Variants in EMC2 observed in about 807,000 individuals in gnomAD.
EMC2 encodes ER membrane protein complex subunit 2.
In EMC2, 37 loss-of-function variants were observed where a neutral mutation model predicts 51.6. That is an observed-to-expected ratio of 0.72 (90% confidence interval 0.55 to 0.94). EMC2 has a LOEUF of 0.94. EMC2 is among the 40% of genes least tolerant of loss of function. EMC2 has a pLI of 0.00. For missense variants in EMC2, 359 were observed against 350.9 expected (o/e 1.02, Z -0.18); for synonymous variants, 131 against 112.4 (o/e 1.17, Z -1.04).
chr8:108,475,942 A>G lies in EMC2; in HGVS notation c.570A>G (p.Leu190=), dbSNP rs1810938643. Residue 190 remains leucine, a synonymous_variant, in exon 8 of 11, where the codon TTA becomes TTG. Transcript: ENST00000220853. ...ELMMTNPHNH[L]YCQQYAEVKY... is the part of the protein sequence containing the mutation. ...TGATGACTAATCCACACAACCACTT[A>G]TACTGTCAGCAGTATGCTGAAGTAA... 1.3e-6 allele frequency: 2 copies of G among 1,595,414 alleles called. No homozygotes were observed. The highest frequency in any genetic ancestry group is 1.4e-5 in the African/African-American group (1 of 73,944).
chr8:108,467,016 G>A (rs1320813028), intron 5 of EMC2, among the ~76,000 whole-genome samples: 1 of 152,134 alleles, frequency 6.6e-6, no homozygotes, highest in Non-Finnish European at 1.5e-5. Context: ...GGAGTCCCAG[G>A]ATTTGCAATG....
intron 9 of EMC2, among the ~76,000 whole-genome samples, chr8:108,477,213 G>T (rs1004279487): frequency 1.6e-4 from 25 of 151,946 alleles, no homozygotes; most frequent in Non-Finnish European, 3.4e-4. Flanking sequence ...CAACATTATT[G>T]TATTTCTTCC....
At position 108,488,882 on chromosome 8, in the gene EMC2, G is replaced by A. The variant is rs1811190893; in HGVS notation, c.*2284G>A. 6.6e-6 allele frequency among the ~76,000 whole-genome samples: 1 copy of A among 152,172 alleles called. No individual in the cohort carries two copies. Among genetic ancestry groups the A allele is most frequent in the South Asian group, 2.1e-4 (1 of 4,834 alleles). On this transcript the variant is annotated 3_prime_UTR_variant, in exon 11 of 11. Coordinates refer to ENST00000220853, the MANE Select transcript of EMC2 (RefSeq NM_014673.5). ...ATGTGACTACTGCAATTGAGAAATT[G>A]AATGAAATGAACAGAACCCTACTGA...
intron 1 of EMC2, chr8:108,446,304 A>G (rs905946589): frequency 4.6e-6 from 2 of 430,914 alleles, no homozygotes; most frequent in Admixed American, 2.5e-5. Context: ...CAAAGAAGGT[A>G]GGAATCATTG....
chr8:108,450,617 A>G, intron 3 of EMC2, 125 bp downstream of exon 3: 1 of 695,440 alleles, frequency 1.4e-6, no homozygotes, highest in Non-Finnish European at 2.6e-6. Context: ...CTGAACAGTA[A>G]GTGGAACTAA....
chr8:108,463,952 T>G (rs1819399887), intron 5 of EMC2: 1 of 152,536 alleles, frequency 6.6e-6, no homozygotes, highest in African/African-American at 2.4e-5. Context: ...TAACCCCTCA[T>G]TCACCTGGAA....
chr8:108,458,008 T>A (rs923270036), intron 5 of EMC2, among the ~76,000 whole-genome samples: 1 of 152,120 alleles, frequency 6.6e-6, no homozygotes, highest in African/African-American at 2.4e-5. Context: ...ATACAGCCAT[T>A]CCAAATGGGG....
intron 2 of EMC2, 91 bp downstream of exon 2, chr8:108,450,027 A>G (rs558671606): frequency 1.9e-6 from 1 of 517,202 alleles, no homozygotes; most frequent in Non-Finnish European, 3.4e-6. Context: ...TGATTTTTCT[A>G]CTTGTCATAT....
chr8:108,475,794 T>C (rs1810935887), intron 7 of EMC2, 88 bp from the exon 8 acceptor site: 1 of 691,252 alleles, frequency 1.4e-6, no homozygotes, highest in Admixed American at 2.8e-5. Context: ...TTAACATGAC[T>C]AAAGTTGTTT....
chr8:108,443,630 T>A lies in EMC2; in HGVS notation c.-29T>A. On this transcript the variant is annotated 5_prime_UTR_variant, in exon 1 of 11. Transcript: ENST00000220853. ...CACGTGACTGCGTCTCCCCGCCCTCTCACCCCGCTGCCTCTAGGTTCTGGG... is the reference window on the plus strand; with the variant it reads ...CACGTGACTGCGTCTCCCCGCCCTCACACCCCGCTGCCTCTAGGTTCTGGG... 1 of 1,599,890 alleles carries A rather than the reference T, an allele frequency of 6.3e-7. No individual in the cohort carries two copies. Among genetic ancestry groups the A allele is most frequent in the Non-Finnish European group, 8.5e-7 (1 of 1,172,946 alleles).
intron 5 of EMC2, among the ~76,000 whole-genome samples, chr8:108,464,984 G>C (rs749404264): frequency 2.0e-5 from 3 of 152,168 alleles, no homozygotes; most frequent in Non-Finnish European, 4.4e-5. Flanking sequence ...CCTGAGTCTG[G>C]AGTGAGGCAG....
At chr8:108,483,714 T>C (rs1383206617) in intron 10 of EMC2, among the ~76,000 whole-genome samples, 2 of 152,130 alleles carry the variant, frequency 1.3e-5, no homozygotes, top group Non-Finnish European at 2.9e-5. Context: ...TTTTTGTGTT[T>C]TTTTCTGGTG....
At position 108,443,752 on chromosome 8, in the gene EMC2, C is replaced by A. The variant is rs188818244; in HGVS notation, c.40+54C>A. 3.3e-3 allele frequency: 4,969 copies of A among 1,486,478 alleles called. 24 individuals carry two copies. Among genetic ancestry groups the A allele is most frequent in the Non-Finnish European group, 3.1e-3 (3,385 of 1,081,222 alleles). The allele number at this position is 1,486,478 out of a possible 1,614,324, so 92.1% of individuals were successfully genotyped here. On this transcript the variant is annotated intron_variant, in intron 1 of 10. Transcript: ENST00000220853. ...AGACTAAAAGCGCTGGGAAGCCGTT[C>A]GGGAGTACCCGCTGCTTTCGGGGAG...
At chr8:108,452,985 T>C (rs147537073) in intron 3 of EMC2, 77 bp from the exon 4 acceptor site, 123 of 575,580 alleles carry the variant, frequency 2.1e-4, no homozygotes, top group African/African-American at 2.0e-3. Context: ...GAAGACACAT[T>C]GAAGACTATA....
intron 10 of EMC2, among the ~76,000 whole-genome samples, chr8:108,480,117 T>G (rs1179833698): frequency 6.6e-6 from 1 of 152,174 alleles, no homozygotes; most frequent in Non-Finnish European, 1.5e-5. Flanking sequence ...GCCCTTTTAT[T>G]TGAGAAAAGT....
intron 5 of EMC2, among the ~76,000 whole-genome samples, chr8:108,458,317 C>G (rs927129527): frequency 6.6e-6 from 1 of 152,196 alleles, no homozygotes; most frequent in Non-Finnish European, 1.5e-5. Flanking sequence ...CCTTTTCTCA[C>G]AGCTCCATTA....
intron 9 of EMC2, among the ~76,000 whole-genome samples, 171 bp downstream of exon 9, chr8:108,477,063 T>A (rs1467836718): frequency 6.6e-6 from 1 of 152,032 alleles, no homozygotes; most frequent in Non-Finnish European, 1.5e-5. Context: ...TTTTTGAATG[T>A]TAACACAGCC....
At chr8:108,452,568 A>G (rs992842004) in intron 3 of EMC2, among the ~76,000 whole-genome samples, 7 of 151,924 alleles carry the variant, frequency 4.6e-5, no homozygotes, top group African/African-American at 1.7e-4. Flanking sequence ...CTCCATCTCA[A>G]AAAAAAATAA....
At chr8:108,482,017 G>A (rs574491008) in intron 10 of EMC2, among the ~76,000 whole-genome samples, 17 of 152,244 alleles carry the variant, frequency 1.1e-4, no homozygotes, top group African/African-American at 3.6e-4. Context: ...GAATATATGT[G>A]CAGTTCTGTA....
Sources: gnomAD v4.1 joint callset for allele counts (sites outside exome capture counted in the v4.1 genomes callset) on GRCh38, gnomAD v4.1.1 for gene constraint, MANE v1.5 for transcripts, NCBI Gene and HGNC (gene_info 2026-07-23, HGNC 2026-07-21) for gene names.